Variants in ZFHX3 observed in about 807,000 individuals in gnomAD.
ZFHX3 encodes the protein zinc finger homeobox 3, also known as zinc finger homeobox protein 3.
Under a neutral mutation model 279.1 loss-of-function variants are expected in ZFHX3, and 42 were observed. The observed-to-expected ratio is 0.15, with a 90% CI of 0.12 to 0.19. The LOEUF is 0.19. ZFHX3 is among the 10% of genes least tolerant of loss of function. The pLI is 1.00. For synonymous variants in ZFHX3, 2,293 were observed against 1,957.8 expected, an observed-to-expected ratio of 1.17 and a Z score of -4.52; for missense variants, 4,981 against 4,754.0, an observed-to-expected ratio of 1.05 and a Z score of -1.40.
At chr16:73,005,905 T>A (rs918316452) in intron 1 of ZFHX3, 1 of 152,208 alleles carries the variant, frequency 6.6e-6, no homozygotes, top group African/African-American at 2.4e-5. Context: ...ACCAGACACA[T>A]TTCTATTTGA....
intron 1 of ZFHX3, among the ~76,000 whole-genome samples, chr16:72,987,676 G>A (rs1962906925): frequency 6.6e-6 from 1 of 152,204 alleles, no homozygotes; most frequent in Non-Finnish European, 1.5e-5. Context: ...GTTTTATGTA[G>A]AGTATCATTC....
chr16:73,464,107 A>G (rs1404542964), intron 2 of ZFHX3, among the ~76,000 whole-genome samples: 1 of 152,154 alleles, frequency 6.6e-6, no homozygotes, highest in Non-Finnish European at 1.5e-5. Context: ...TTTGCTTAGT[A>G]AAAGCCATCA....
intron 1 of ZFHX3, among the ~76,000 whole-genome samples, chr16:73,750,664 G>T (rs138925727): frequency 6.6e-6 from 1 of 152,066 alleles, no homozygotes; most frequent in East Asian, 1.9e-4. Context: ...AGGAGGTAAG[G>T]CGAGCACTGC....
chr16:73,199,022 G>A (rs914073974), intron 5 of ZFHX3, among the ~76,000 whole-genome samples: 6 of 152,212 alleles, frequency 3.9e-5, no homozygotes, highest in Non-Finnish European at 7.3e-5. Flanking sequence ...TGAACGTCCC[G>A]TTCAAAACAA....
intron 3 of ZFHX3, among the ~76,000 whole-genome samples, chr16:73,439,448 C>T (rs1437262524): frequency 2.0e-5 from 3 of 151,936 alleles, no homozygotes. Context: ...TCCTCCAGCC[C>T]AGTGTATTTG....
At chr16:73,057,412 T>C (rs887129931) in intron 1 of ZFHX3, among the ~76,000 whole-genome samples, 1 of 152,038 alleles carries the variant, frequency 6.6e-6, no homozygotes, top group Non-Finnish European at 1.5e-5. Context: ...CCAATAGATA[T>C]GCAAAAAGAC....
chr16:73,845,433 G>A (rs328376), intron 1 of ZFHX3, among the ~76,000 whole-genome samples: 1,921 of 152,146 alleles, frequency 0.013, 48 homozygotes, highest in African/African-American at 0.042. Context: ...TGCACTTAGC[G>A]AGTGGATTTT....
At position 73,876,607 on chromosome 16, in the gene ZFHX3, G is replaced by T. The variant is rs565442187; in HGVS notation, c.-1608+15044C>A. Among the ~76,000 whole-genome samples the T allele has an allele frequency of 9.2e-5, 14 of 152,242 alleles. No homozygotes were observed. In the South Asian group the frequency reaches 2.7e-3, roughly 29 times the overall value. ...CTAAAATAAGTCTGGAAACCAAAAG[G>T]GAGAAAATACTTGAGTATAGAAATA... On this transcript the variant is annotated intron_variant, in intron 1 of 17. Transcript: ENST00000641206.
intron 1 of ZFHX3, among the ~76,000 whole-genome samples, chr16:73,866,076 T>C (rs1962011263): frequency 6.6e-6 from 1 of 152,044 alleles, no homozygotes; most frequent in African/African-American, 2.4e-5. Context: ...AAACACACTT[T>C]TTTTGAGCCT....
chr16:73,006,913 T>C (rs780333133), intron 1 of ZFHX3, among the ~76,000 whole-genome samples: 12 of 152,240 alleles, frequency 7.9e-5, no homozygotes, highest in Non-Finnish European at 1.5e-4. Flanking sequence ...TGTTAAACTG[T>C]ATCATTTAAG....
intron 2 of ZFHX3, among the ~76,000 whole-genome samples, chr16:73,469,979 A>G (rs2018636885): frequency 6.6e-6 from 1 of 152,158 alleles, no homozygotes; most frequent in Admixed American, 6.5e-5. Context: ...AGAACTCCCA[A>G]CATGATTCTA....
intron 7 of ZFHX3, among the ~76,000 whole-genome samples, chr16:73,113,853 G>A (rs920368403): frequency 7.0e-6 from 1 of 142,084 alleles, no homozygotes; most frequent in Admixed American, 7.5e-5. Flanking sequence ...GGAGTGCAGT[G>A]GCGCGATCTC....
intron 1 of ZFHX3, among the ~76,000 whole-genome samples, chr16:73,706,355 G>A (rs937808541): frequency 3.3e-5 from 5 of 151,424 alleles, no homozygotes; most frequent in Admixed American, 1.3e-4. Flanking sequence ...CCAGCTACTC[G>A]GGAGGCTGAA....
chr16:73,251,953 C>A (rs1003530156), intron 5 of ZFHX3, among the ~76,000 whole-genome samples: 1 of 150,652 alleles, frequency 6.6e-6, no homozygotes, highest in African/African-American at 2.4e-5. Context: ...ACCACACACA[C>A]GCACACACCA....
intron 4 of ZFHX3, among the ~76,000 whole-genome samples, chr16:72,863,930 C>T (rs2037948511): frequency 6.6e-6 from 1 of 152,098 alleles, no homozygotes; most frequent in Non-Finnish European, 1.5e-5. Flanking sequence ...TCCTGGCTAA[C>T]ATGGTGAAAC....
intron 3 of ZFHX3, among the ~76,000 whole-genome samples, chr16:73,369,595 G>C (rs903810061): frequency 2.6e-5 from 4 of 152,132 alleles, no homozygotes; most frequent in Non-Finnish European, 5.9e-5. Flanking sequence ...GGATGAAAAA[G>C]TCCGGCTCCA....
chr16:72,794,100 A>T lies in ZFHX3; in HGVS notation c.8582T>A (p.Ile2861Lys). ...AGAAGAGGATTTGGTTTCAGTTGCT[A>T]TTCCCGTTGCACTGTCGTTATCTGC... ...GNADNDSATG[I>K]ATETKSSSAP... Residue 2861 changes from isoleucine (I) to lysine (K), a missense_variant, in exon 9 of 10, where the codon ATA (isoleucine) becomes AAA (lysine). Transcript: ENST00000268489. This position sits in a 1 kb window ranked among gnomAD's most constrained non-coding sequence, Gnocchi z 4.2. 6.2e-7 allele frequency: 1 copy of T among 1,614,200 alleles called. No individual in the cohort carries two copies. The highest frequency in any genetic ancestry group is 8.5e-7 in the Non-Finnish European group (1 of 1,180,048).
At chr16:72,930,420 A>G (rs977749525) in intron 3 of ZFHX3, among the ~76,000 whole-genome samples, 12 of 152,058 alleles carry the variant, frequency 7.9e-5, no homozygotes, top group African/African-American at 2.9e-4. Flanking sequence ...ATAAGCTTAA[A>G]AAAAAAAGAG....
In ZFHX3 at chr16:73,352,476, T is replaced by TTTTTC. The variant is rs1309624451; in HGVS notation, c.-1290-34141_-1290-34140insGAAAA. ...TTGGTTTCTCTCTCTCTCTCTCTCT[T>TTTTTC]TTTTTTTTTTTTTTTTTTTTTTTTT... On this transcript the variant is annotated intron_variant, in intron 3 of 17. Coordinates refer to the ZFHX3 transcript ENST00000641206. Among the ~76,000 whole-genome samples, 293 of 41,514 alleles carry TTTTTC rather than the reference T, an allele frequency of 7.1e-3. 2 individuals are homozygous for TTTTTC. Among genetic ancestry groups the TTTTTC allele is most frequent in the African/African-American group, 0.037 (284 of 7,716 alleles). The allele number at this position is 41,514 out of a possible 152,430, so 27.2% of individuals were successfully genotyped here.
Sources: allele counts gnomAD v4.1 joint callset (sites outside exome capture counted in the v4.1 genomes callset), GRCh38; gene constraint gnomAD v4.1.1; non-coding constraint Gnocchi (gnomAD v3.1); transcripts MANE v1.5; gene names NCBI Gene and HGNC (gene_info 2026-07-23, HGNC 2026-07-21).